COL4A4: variants seen among roughly 807,000 people sequenced by gnomAD.
COL4A4 encodes the protein collagen type IV alpha 4 chain.
A neutral mutation model predicts 192.9 loss-of-function variants in COL4A4; 105 were observed. The observed-to-expected ratio is 0.54, with a 90% CI of 0.46 to 0.64. The LOEUF is 0.64. Ranked by LOEUF, COL4A4 falls within the 30% of genes least tolerant of loss-of-function variation. The probability of loss-of-function intolerance (pLI) is 0.00; values close to 1 mark genes in which losing one functional copy is unlikely to be tolerated. For missense variants in COL4A4, 1,967 were observed against 2,169.3 expected (o/e 0.91, Z 1.85); for synonymous variants, 762 against 769.9 (o/e 0.99, Z 0.17).
In COL4A4 at chr2:227,013,546, C is replaced by A. The variant is rs111590424; in HGVS notation, c.4217-1249G>T. On this transcript the variant is annotated intron_variant, in intron 44 of 47. Coordinates refer to ENST00000396625, the MANE Select transcript of COL4A4 (RefSeq NM_000092.5). ...TCCCTGGAATGGCACAGAGGAGAGG[C>A]CACGTGAGGACACAGGAAGATGGTG... Among the ~76,000 whole-genome samples, 450 of 152,216 alleles carry A rather than the reference C, an allele frequency of 3.0e-3. 2 individuals are homozygous for A. The highest frequency in any genetic ancestry group is 0.01 in the African/African-American group (427 of 41,540).
chr2:226,974,372 G>A, the COL4A4 span, among the ~76,000 whole-genome samples: 6 of 152,002 alleles, frequency 3.9e-5, no homozygotes, highest in Non-Finnish European at 5.9e-5. Context: ...TGAGTAGCTG[G>A]AATTACAGGC....
At chr2:227,045,479 CTA>C (rs1972284061) in intron 35 of COL4A4, among the ~76,000 whole-genome samples, 1 of 105,980 alleles carries the variant, frequency 9.4e-6, no homozygotes, top group South Asian at 3.7e-4. Context: ...AAATATTATA[CTA>C]TGTCTAGGCC....
intron 4 of COL4A4, among the ~76,000 whole-genome samples, chr2:227,139,703 CAA>C (rs902950158): frequency 2.0e-5 from 3 of 152,152 alleles, no homozygotes; most frequent in African/African-American, 7.2e-5. Context: ...AACAAGCATA[CAA>C]AAAATATAGC....
chr2:227,022,596 G>A (rs1374518242), intron 43 of COL4A4: 1 of 532,620 alleles, frequency 1.9e-6, no homozygotes, highest in African/African-American at 1.9e-5. Flanking sequence ...GTGTCCCTGA[G>A]TCCTTACTCT....
Position 227,041,860 on chromosome 2 carries a change from A to AGAGAG in COL4A4, c.3505+287_3505+288insCTCTC, listed in dbSNP as rs1559478521. Among the ~76,000 whole-genome samples the AGAGAG allele has an allele frequency of 6.4e-4, 59 of 92,332 alleles. 1 individual carries two copies. Among genetic ancestry groups the AGAGAG allele is most frequent in the African/African-American group, 1.6e-3 (30 of 18,362 alleles). 60.6% of individuals were successfully genotyped at this position (92,332 alleles called of 152,430 possible). Reference sequence around the variant, plus strand: ...AGAAAGAAAGAAAGAGAAAGAAAGAAAGAAAGAAAGAAAGAAAGAAAGAAA... The same window carrying AGAGAG: ...AGAAAGAAAGAAAGAGAAAGAAAGAAGAGAGAGAAAGAAAGAAAGAAAGAAAGAAA... On this transcript the variant is annotated intron_variant, in intron 37 of 47. Coordinates refer to ENST00000396625, the MANE Select transcript of COL4A4 (RefSeq NM_000092.5).
At chr2:227,020,490 C>A (rs1575799381) in intron 44 of COL4A4, among the ~76,000 whole-genome samples, 1 of 152,164 alleles carries the variant, frequency 6.6e-6, no homozygotes, top group Non-Finnish European at 1.5e-5. Context: ...GAGGAAGGCT[C>A]CAGGGCTGTT....
At chr2:227,066,382 C>T (rs1345103366) in intron 25 of COL4A4, among the ~76,000 whole-genome samples, 1 of 151,620 alleles carries the variant, frequency 6.6e-6, no homozygotes, top group Admixed American at 6.6e-5. Context: ...AAAGATACTC[C>T]TCGAGAAGAG....
chr2:227,051,633 G>A (rs887861124), intron 32 of COL4A4, among the ~76,000 whole-genome samples: 8 of 152,202 alleles, frequency 5.3e-5, no homozygotes, highest in African/African-American at 1.9e-4. Context: ...CAGAGCTGCT[G>A]AATCAGAATC....
chr2:227,043,322 G>A (rs115644162), intron 35 of COL4A4, 138 bp from the exon 36 acceptor site: 24 of 762,428 alleles, frequency 3.1e-5, no homozygotes, highest in Admixed American at 1.4e-4. Flanking sequence ...GGAAAATAAC[G>A]TTAAGGAAAA....
chr2:227,089,840 A>C, intron 21 of COL4A4, 28 bp downstream of exon 21: 17 of 1,565,328 alleles, frequency 1.1e-5, no homozygotes, highest in Non-Finnish European at 1.4e-5. Flanking sequence ...GTTGTCTTCT[A>C]GAAATTCTAC....
chr2:226,975,241 T>C, the COL4A4 span, among the ~76,000 whole-genome samples: 1 of 152,158 alleles, frequency 6.6e-6, no homozygotes, highest in Non-Finnish European at 1.5e-5. Context: ...TCGATGCCCC[T>C]GAGGTAATTA....
chr2:227,063,004 T>C (rs1023084720), intron 25 of COL4A4, among the ~76,000 whole-genome samples: 3 of 152,220 alleles, frequency 2.0e-5, no homozygotes, highest in African/African-American at 7.2e-5. Flanking sequence ...AATCATAAAA[T>C]AGCAGCAGGT....
chr2:227,104,978 C>T (rs904456277), intron 12 of COL4A4, among the ~76,000 whole-genome samples: 6 of 151,562 alleles, frequency 4.0e-5, no homozygotes. Context: ...GGTGTGTGTA[C>T]ATATGTGTAT....
intron 4 of COL4A4, among the ~76,000 whole-genome samples, chr2:227,136,415 T>A (rs2062816839): frequency 6.6e-6 from 1 of 152,128 alleles, no homozygotes; most frequent in Admixed American, 6.6e-5. Flanking sequence ...AGTGGAAATA[T>A]TCAGATTATC....
intron 44 of COL4A4, among the ~76,000 whole-genome samples, chr2:227,020,543 A>T (rs547852523): frequency 1.3e-5 from 2 of 152,326 alleles, no homozygotes; most frequent in South Asian, 4.1e-4. Context: ...GTTGAGAGGA[A>T]CATCTCTTGG....
intron 4 of COL4A4, among the ~76,000 whole-genome samples, chr2:227,133,893 GA>G (rs58474080): frequency 0.66 from 97,135 of 146,868 alleles, 32,549 homozygotes; most frequent in Non-Finnish European, 0.74. Context: ...TCTCAAAAAA[GA>G]AAAAAAAAAA....
At chr2:226,975,068 C>T in the COL4A4 span, among the ~76,000 whole-genome samples, 1 of 152,148 alleles carries the variant, frequency 6.6e-6, no homozygotes, top group East Asian at 1.9e-4. Context: ...GTTTTTAAAA[C>T]CACCAGCTCC....
chr2:226,986,946 G>C, the COL4A4 span, among the ~76,000 whole-genome samples: 1 of 152,174 alleles, frequency 6.6e-6, no homozygotes, highest in African/African-American at 2.4e-5. Context: ...ATCAGTGATC[G>C]ACTGGATAAA....
intron 7 of COL4A4, among the ~76,000 whole-genome samples, chr2:227,115,710 G>A (rs1227387508): frequency 2.0e-5 from 3 of 152,134 alleles, no homozygotes; most frequent in African/African-American, 7.2e-5. Context: ...GCTTCTGATG[G>A]GAGATATTTA....
Sources: allele counts gnomAD v4.1 joint callset (sites outside exome capture counted in the v4.1 genomes callset), GRCh38; gene constraint gnomAD v4.1.1; transcripts MANE v1.5; gene names NCBI Gene and HGNC (gene_info 2026-07-23, HGNC 2026-07-21).